The following SUPT3H variants were observed in gnomAD, a reference collection of about 807,000 sequenced individuals.
SUPT3H encodes the protein transcription initiation protein SPT3 homolog.
A neutral mutation model predicts 44.3 loss-of-function variants in SUPT3H; 44 were observed. That is an observed-to-expected ratio of 0.99 (90% CI 0.78 to 1.28). The LOEUF (loss-of-function observed/expected upper bound fraction) is 1.28. SUPT3H is among the 50% of genes most tolerant of loss of function. The pLI is 0.00. For synonymous variants in SUPT3H, 124 were observed against 125.6 expected (o/e 0.99, Z 0.09); for missense variants, 380 against 387.1 (o/e 0.98, Z 0.15).
rs143116090 is a variant in SUPT3H at position 44,902,285 on chromosome 6, T to C, written c.912+30368A>G. Among the ~76,000 whole-genome samples, 399 of 152,196 alleles carry C rather than the reference T, an allele frequency of 2.6e-3. 9 individuals are homozygous for C. In the East Asian group the frequency reaches 0.068, roughly 26 times the overall value. On this transcript the variant is annotated intron_variant, in intron 10 of 10. Transcript: ENST00000371459. Reference sequence around the variant, plus strand: ...TGCTGTATTTAGGAAACCCATCTCATGTGCACAGACACACAGAGGCTCAAA... The same window carrying C: ...TGCTGTATTTAGGAAACCCATCTCACGTGCACAGACACACAGAGGCTCAAA...
At chr6:44,968,948 T>G (rs1388005575) in intron 6 of SUPT3H, among the ~76,000 whole-genome samples, 1 of 152,158 alleles carries the variant, frequency 6.6e-6, no homozygotes, top group Non-Finnish European at 1.5e-5. Flanking sequence ...CCCTTTGTCA[T>G]ATGTGCCATG....
intron 1 of SUPT3H, among the ~76,000 whole-genome samples, chr6:45,372,270 T>G (rs189414072): frequency 1.3e-5 from 2 of 152,190 alleles, no homozygotes; most frequent in East Asian, 3.9e-4. Flanking sequence ...ATAGGTTACA[T>G]AAAATAACAT....
intron 2 of SUPT3H, among the ~76,000 whole-genome samples, chr6:45,196,574 C>T (rs1438931067): frequency 3.3e-5 from 5 of 151,972 alleles, no homozygotes; most frequent in Admixed American, 3.3e-4. Context: ...AGCAATAGTA[C>T]CTTTGCTAAA....
chr6:44,992,454 T>C (rs767075523), intron 6 of SUPT3H, among the ~76,000 whole-genome samples: 26 of 152,182 alleles, frequency 1.7e-4, no homozygotes, highest in Non-Finnish European at 3.5e-4. Flanking sequence ...TCTGTTTTAC[T>C]TCCCTTGATG....
chr6:45,226,575 C>A (rs905441341), intron 2 of SUPT3H, among the ~76,000 whole-genome samples: 4 of 152,110 alleles, frequency 2.6e-5, no homozygotes, highest in Non-Finnish European at 5.9e-5. Context: ...GAGACGGAGT[C>A]TTGCTCTGTC....
At chr6:45,274,975 G>A (rs1444817385) in intron 2 of SUPT3H, among the ~76,000 whole-genome samples, 1 of 151,956 alleles carries the variant, frequency 6.6e-6, no homozygotes, top group Non-Finnish European at 1.5e-5. Flanking sequence ...CTATTAATGA[G>A]GCATATTATA....
At chr6:45,120,717 A>G (rs1801540186) in intron 2 of SUPT3H, among the ~76,000 whole-genome samples, 1 of 152,138 alleles carries the variant, frequency 6.6e-6, no homozygotes, top group Non-Finnish European at 1.5e-5. Context: ...TCCTCTATTC[A>G]TGCAAATAGC....
intron 10 of SUPT3H, among the ~76,000 whole-genome samples, chr6:44,858,192 C>T (rs1194913489): frequency 6.6e-6 from 1 of 152,154 alleles, no homozygotes; most frequent in African/African-American, 2.4e-5. Context: ...GGGAATATAG[C>T]CTATTCAGAA....
intron 2 of SUPT3H, among the ~76,000 whole-genome samples, chr6:45,349,562 T>C (rs1020966301): frequency 9.2e-5 from 14 of 152,196 alleles, no homozygotes; most frequent in African/African-American, 3.4e-4. Context: ...GACCCAGCAG[T>C]TTAATGGTTC....
intron 2 of SUPT3H, among the ~76,000 whole-genome samples, chr6:45,139,239 A>G (rs1210452092): frequency 6.6e-6 from 1 of 152,256 alleles, no homozygotes; most frequent in Non-Finnish European, 1.5e-5. Flanking sequence ...ATAAAAACAA[A>G]ATGAAAATTT....
At chr6:44,825,627 G>A (rs908719885), downstream of SUPT3H, among the ~76,000 whole-genome samples, 2 of 152,130 alleles carry the variant, frequency 1.3e-5, no homozygotes, top group African/African-American at 2.4e-5. Context: ...GAGATAAATC[G>A]CACAAACTGC....
At chr6:45,357,270 G>A (rs1793397484) in intron 2 of SUPT3H, among the ~76,000 whole-genome samples, 1 of 152,074 alleles carries the variant, frequency 6.6e-6, no homozygotes, top group East Asian at 1.9e-4. Context: ...GCCTCCCAAA[G>A]TGCTGGGATT....
At chr6:44,919,842 C>T (rs1768381707) in intron 10 of SUPT3H, among the ~76,000 whole-genome samples, 1 of 152,082 alleles carries the variant, frequency 6.6e-6, no homozygotes, top group African/African-American at 2.4e-5. Context: ...TATCCCCTCA[C>T]ACCAGTCTCT....
In SUPT3H at chr6:45,221,221, C is replaced by G. The variant is rs900516619; in HGVS notation, c.102-115215G>C. On this transcript the variant is annotated intron_variant, in intron 2 of 10. Transcript: ENST00000371459. ...GGAAACATCATACACCAGGGCCTGT[C>G]ATGGGGTGGGGGCATGCGGGAGGGA... is the stretch of plus-strand genomic sequence containing the variant. Among the ~76,000 whole-genome samples the G allele has an allele frequency of 2.6e-5, 4 of 152,116 alleles. No individual in the cohort carries two copies. The East Asian group carries it at 5.8e-4, about 22-fold the overall frequency.
chr6:45,109,668 T>C (rs1799766619), intron 2 of SUPT3H, among the ~76,000 whole-genome samples: 3 of 152,154 alleles, frequency 2.0e-5, no homozygotes, highest in Non-Finnish European at 2.9e-5. Flanking sequence ...CTGTCATTTT[T>C]CCCCTCATAC....
chr6:45,147,781 C>T (rs1806314572), intron 2 of SUPT3H, among the ~76,000 whole-genome samples: 1 of 150,922 alleles, frequency 6.6e-6, no homozygotes, highest in African/African-American at 2.4e-5. Context: ...AATCTTAGTG[C>T]TAGAAACAGG....
Position 44,895,445 on chromosome 6 carries a change from G to A in SUPT3H, c.912+37208C>T, listed in dbSNP as rs75848178. On this transcript the variant is annotated intron_variant, in intron 10 of 10. Transcript: ENST00000371459. ...GAAAGCTCTGAAGATAATTATTAAA[G>A]CTGATTTTAAAAATACTTTGACCAA... Among the ~76,000 whole-genome samples the A allele has an allele frequency of 6.5e-3, 992 of 152,100 alleles. 13 individuals carry two copies. The highest frequency in any genetic ancestry group is 0.023 in the African/African-American group (937 of 41,514).
intron 10 of SUPT3H, among the ~76,000 whole-genome samples, chr6:44,886,870 C>T (rs995947722): frequency 6.6e-6 from 1 of 152,108 alleles, no homozygotes; most frequent in African/African-American, 2.4e-5. Context: ...ATTCAGGAAA[C>T]CCATCTCACA....
intron 3 of SUPT3H, among the ~76,000 whole-genome samples, chr6:45,097,121 CAG>C (rs1226672190): frequency 4.6e-5 from 7 of 152,120 alleles, no homozygotes; most frequent in Non-Finnish European, 1.0e-4. Flanking sequence ...TTTTGACTGA[CAG>C]AAATCTACAA....
Sources: allele counts gnomAD v4.1 joint callset (sites outside exome capture counted in the v4.1 genomes callset), GRCh38; gene constraint gnomAD v4.1.1; transcripts MANE v1.5; gene names NCBI Gene and HGNC (gene_info 2026-07-23, HGNC 2026-07-21).